Variants in NTRK3 observed in about 807,000 individuals in gnomAD.
NTRK3 encodes the protein neurotrophic receptor tyrosine kinase 3, also known as NT-3 growth factor receptor.
In NTRK3, 24 loss-of-function variants were observed where a neutral mutation model predicts 91.7. The observed-to-expected ratio is 0.26, with a 90% CI of 0.19 to 0.37. The LOEUF is 0.37. Ranked by LOEUF, NTRK3 falls within the 10% of genes least tolerant of loss-of-function variation. The pLI is 1.00. For synonymous variants in NTRK3, 483 were observed against 404.0 expected, an observed-to-expected ratio of 1.20 and a Z score of -2.34; for missense variants, 880 against 1,068.9, an observed-to-expected ratio of 0.82 and a Z score of 2.46.
intron 13 of NTRK3, among the ~76,000 whole-genome samples, chr15:88,087,553 G>A (rs1487849184): frequency 1.3e-5 from 2 of 152,188 alleles, no homozygotes; most frequent in African/African-American, 4.8e-5. Context: ...CTGTGAGAAA[G>A]CTCAGCAGAT....
intron 17 of NTRK3, among the ~76,000 whole-genome samples, chr15:87,892,387 A>C (rs1292982033): frequency 6.6e-6 from 1 of 152,226 alleles, no homozygotes; most frequent in Admixed American, 6.5e-5. Context: ...TGATTTTAGG[A>C]GTATAACTAG....
intron 3 of NTRK3, among the ~76,000 whole-genome samples, chr15:88,242,192 A>G (rs1353844867): frequency 1.3e-5 from 2 of 152,176 alleles, no homozygotes; most frequent in Non-Finnish European, 2.9e-5. Flanking sequence ...AACTACCCAC[A>G]GCCCAAATCT....
intron 13 of NTRK3, among the ~76,000 whole-genome samples, chr15:88,071,848 C>T (rs2047113201): frequency 6.6e-6 from 1 of 152,098 alleles, no homozygotes; most frequent in Non-Finnish European, 1.5e-5. Flanking sequence ...TCTTCTGAGG[C>T]CCCATACTCC....
intron 13 of NTRK3, among the ~76,000 whole-genome samples, chr15:88,097,873 G>C (rs2049783496): frequency 6.6e-6 from 1 of 152,220 alleles, no homozygotes; most frequent in Non-Finnish European, 1.5e-5. Context: ...TGGGGTGCTA[G>C]CACAAGGGTG....
At chr15:88,003,443 G>A (rs2076257256) in intron 14 of NTRK3, among the ~76,000 whole-genome samples, 1 of 152,208 alleles carries the variant, frequency 6.6e-6, no homozygotes. Flanking sequence ...TGAGTCCTTG[G>A]CAGGTTTTAT....
chr15:87,957,150 G>A (rs570080894), intron 14 of NTRK3, among the ~76,000 whole-genome samples: 1 of 149,604 alleles, frequency 6.7e-6, no homozygotes, highest in African/African-American at 2.5e-5. Flanking sequence ...CTGGTCCTCA[G>A]TTTCCTTAGC....
chr15:87,994,487 C>G (rs1334076165), intron 14 of NTRK3, among the ~76,000 whole-genome samples: 1 of 152,088 alleles, frequency 6.6e-6, no homozygotes, highest in East Asian at 1.9e-4. Context: ...TCCAAAATTG[C>G]CAGCAAACTA....
intron 18 of NTRK3, among the ~76,000 whole-genome samples, chr15:87,878,804 C>G (rs917176654): frequency 6.6e-6 from 1 of 152,140 alleles, no homozygotes; most frequent in African/African-American, 2.4e-5. Context: ...AGCTCAAGAA[C>G]AGATGCTGAG....
intron 17 of NTRK3, among the ~76,000 whole-genome samples, chr15:87,881,090 A>C (rs2065219325): frequency 6.6e-6 from 1 of 152,238 alleles, no homozygotes; most frequent in African/African-American, 2.4e-5. Context: ...ACCACCTGTG[A>C]ATCTGCCAAA....
chr15:87,975,055 A>G (rs2073606920), intron 14 of NTRK3, among the ~76,000 whole-genome samples: 1 of 152,160 alleles, frequency 6.6e-6, no homozygotes, highest in African/African-American at 2.4e-5. Context: ...TAGTTATTCA[A>G]TCTTTCTGAG....
rs962762022 is a variant in NTRK3 at position 88,237,195 on chromosome 15, G to A, written c.248+18711C>T. 2.0e-5 allele frequency among the ~76,000 whole-genome samples: 3 copies of A among 152,124 alleles called. No individual in the cohort carries two copies. Among genetic ancestry groups the A allele is most frequent in the African/African-American group, 7.2e-5 (3 of 41,422 alleles). ...AGAGGATGTGATAAAGAAGTAGAGT[G>A]CCATATTAATTGCAGAGTCTAGGGC... On this transcript the variant is annotated intron_variant, in intron 3 of 18. Coordinates refer to ENST00000394480, the Ensembl canonical transcript of NTRK3. The surrounding 1 kb of genome is among the most constrained non-coding windows in gnomAD (Gnocchi z 4.0).
At chr15:87,909,551 G>A (rs182355735) in intron 17 of NTRK3, among the ~76,000 whole-genome samples, 86 of 152,274 alleles carry the variant, frequency 5.6e-4, no homozygotes, top group Admixed American at 5.4e-3. Context: ...AGGGAGGGAC[G>A]AACAGAAAGA....
At chr15:88,008,701 G>A in intron 14 of NTRK3, among the ~76,000 whole-genome samples, 1 of 152,032 alleles carries the variant, frequency 6.6e-6, no homozygotes, top group East Asian at 1.9e-4. Context: ...GAGCAACCAG[G>A]GCTCGGCCCC....
intron 13 of NTRK3, among the ~76,000 whole-genome samples, chr15:88,069,194 C>T (rs1286039821): frequency 6.6e-6 from 1 of 152,138 alleles, no homozygotes; most frequent in African/African-American, 2.4e-5. Context: ...AGAAAGAGAT[C>T]AATCATAACC....
chr15:87,912,462 T>G (rs986708072), intron 17 of NTRK3, among the ~76,000 whole-genome samples: 2 of 152,196 alleles, frequency 1.3e-5, no homozygotes, highest in Admixed American at 6.5e-5. Context: ...TCTCTGAGCT[T>G]TAATTTACTT....
intron 14 of NTRK3, among the ~76,000 whole-genome samples, chr15:88,010,607 TA>T (rs1052604186): frequency 1.3e-5 from 2 of 152,202 alleles, no homozygotes; most frequent in African/African-American, 4.8e-5. Flanking sequence ...ATTTTATTCC[TA>T]AAAGCAATGT....
chr15:87,944,775 A>G (rs1378094301), intron 14 of NTRK3, among the ~76,000 whole-genome samples: 1 of 152,208 alleles, frequency 6.6e-6, no homozygotes, highest in East Asian at 1.9e-4. Flanking sequence ...GAACAGACAA[A>G]GCCCTGGGGA....
chr15:87,863,415 G>C (rs1219252025), exon 19 of NTRK3: 1 of 224,786 alleles, frequency 4.4e-6, no homozygotes, highest in East Asian at 6.4e-5. Context: ...CTTCGCTGCA[G>C]AATTTACACT....
intron 3 of NTRK3, among the ~76,000 whole-genome samples, chr15:88,232,349 T>C (rs979510527): frequency 4.1e-5 from 6 of 146,754 alleles, no homozygotes; most frequent in Non-Finnish European, 7.5e-5. Context: ...ACTTGTCTAA[T>C]CTGCTCCCAG....
Sources: gnomAD v4.1 joint callset for allele counts (sites outside exome capture counted in the v4.1 genomes callset) on GRCh38, gnomAD v4.1.1 for gene constraint, Gnocchi (gnomAD v3.1) non-coding constraint, MANE v1.5 for transcripts, NCBI Gene and HGNC (gene_info 2026-07-23, HGNC 2026-07-21) for gene names.